NDUFC1: variants seen among roughly 807,000 people sequenced by gnomAD.
NDUFC1 encodes the protein NADH dehydrogenase [ubiquinone] 1 subunit C1, mitochondrial.
In NDUFC1, 11 loss-of-function variants were observed where a neutral mutation model predicts 11.6. The observed-to-expected ratio is 0.95, with a 90% CI of 0.60 to 1.58. The LOEUF (loss-of-function observed/expected upper bound fraction) is 1.58. Ranked by LOEUF, NDUFC1 falls within the 40% of genes most tolerant of loss-of-function variation. NDUFC1 has a pLI of 0.00. For synonymous variants in NDUFC1, 52 were observed against 42.2 expected (o/e 1.23, Z -0.90); for missense variants, 112 against 93.0 (o/e 1.20, Z -0.84).
Position 139,295,713 on chromosome 4 carries a change from G to T in NDUFC1, c.67+19C>A. 1 of 1,538,744 alleles carries T rather than the reference G, an allele frequency of 6.5e-7. No individual in the cohort carries two copies. Among genetic ancestry groups the T allele is most frequent in the South Asian group, 1.2e-5 (1 of 83,434 alleles). ...GGTAATCTGAGGGTCGAGTCGGCCTGCACGAGGAGGATACTCACGGCCGCT... is the reference window on the plus strand; with the variant it reads ...GGTAATCTGAGGGTCGAGTCGGCCTTCACGAGGAGGATACTCACGGCCGCT... On this transcript the variant is annotated intron_variant, in intron 3 of 5. Transcript: ENST00000394223.
At chr4:139,298,084 G>GA (rs35353049) in intron 1 of NDUFC1, among the ~76,000 whole-genome samples, 29,146 of 151,598 alleles carry the variant, frequency 0.19, 3,185 homozygotes, top group Non-Finnish European at 0.25. Flanking sequence ...CAAAACAAAA[G>GA]AAAAAAACCA....
intron 3 of NDUFC1, 91 bp from the exon 4 acceptor site, chr4:139,295,237 C>A: frequency 1.1e-6 from 1 of 903,822 alleles, no homozygotes; most frequent in South Asian, 1.4e-5. Flanking sequence ...GCATTTAATT[C>A]TCCCTTCAAC....
rs759892515 is a variant in NDUFC1 at position 139,292,598 on chromosome 4, T to C, written c.183A>G (p.Gln61=). The change falls in exon 5 of 6, where the codon CAA becomes CAG. Residue 61 remains glutamine (Q), a synonymous_variant. Coordinates refer to ENST00000394223, the MANE Select transcript of NDUFC1 (RefSeq NM_001184989.2). The part of the protein sequence containing the change: ...TVFLWIYLIK[Q]HNEDILEYKR... ...TGTACTCTAAAATATCTTCATTGTG[T>C]TGTTTGATGAGCTACAAAGAGTTAA... 1.8e-5 allele frequency: 28 copies of C among 1,564,418 alleles called. 1 individual carries two copies. The South Asian group carries it at 3.0e-4, about 17-fold the overall frequency.
chr4:139,300,213 G>A (rs1378363023), intron 1 of NDUFC1, among the ~76,000 whole-genome samples: 1 of 152,214 alleles, frequency 6.6e-6, no homozygotes, highest in South Asian at 2.1e-4. Context: ...AACTTTTGAA[G>A]AGAGATCACA....
Position 139,295,158 on chromosome 4 carries a change from A to G in NDUFC1, c.68-12T>C. 2 of 1,610,224 alleles carry G rather than the reference A, an allele frequency of 1.2e-6. No homozygotes were observed. The highest frequency in any genetic ancestry group is 1.3e-5 in the African/African-American group (1 of 74,960). ...TGATCGCACTGAAGCTGAAAGGGGAAGAGGGTCTGTAAATTTGTAACTTAC... is the reference window on the plus strand; with the variant it reads ...TGATCGCACTGAAGCTGAAAGGGGAGGAGGGTCTGTAAATTTGTAACTTAC... On this transcript the variant is annotated splice_polypyrimidine_tract_variant and intron_variant, in intron 3 of 5. Coordinates refer to ENST00000394223, the MANE Select transcript of NDUFC1 (RefSeq NM_001184989.2).
intron 3 of NDUFC1, 77 bp downstream of exon 3, chr4:139,295,655 C>T (rs1745431897): frequency 2.7e-6 from 4 of 1,466,748 alleles, no homozygotes; most frequent in African/African-American, 1.4e-5. Flanking sequence ...GCTGCCGCCT[C>T]CTGCACCCGT....
Position 139,290,929 on chromosome 4 carries a change from C to T in NDUFC1, c.*21-837G>A, listed in dbSNP as rs148957143. Among the ~76,000 whole-genome samples the T allele has an allele frequency of 5.2e-3, 789 of 151,962 alleles. 6 individuals carry two copies. The highest frequency in any genetic ancestry group is 0.014 in the African/African-American group (595 of 41,486). Reference sequence around the variant, plus strand: ...GTTAAAGCAATTATCGTGCCTCAGCCTCCCAAAGTAGCTGGGACTACGGGC... The same window carrying T: ...GTTAAAGCAATTATCGTGCCTCAGCTTCCCAAAGTAGCTGGGACTACGGGC... On this transcript the variant is annotated intron_variant, in intron 5 of 5. Transcript: ENST00000394223.
At chr4:139,300,898 A>G (rs1745687449) in intron 1 of NDUFC1, 1 of 152,192 alleles carries the variant, frequency 6.6e-6, no homozygotes, top group South Asian at 2.1e-4. Context: ...GGCAGTGCAA[A>G]TATGTCACTT....
intron 1 of NDUFC1, among the ~76,000 whole-genome samples, chr4:139,299,087 A>C (rs1157967548): frequency 6.6e-6 from 1 of 151,898 alleles, no homozygotes; most frequent in Non-Finnish European, 1.5e-5. Flanking sequence ...GTCTTGCCTC[A>C]GCCTCCTGGA....
chr4:139,298,433 T>C (rs1199099984), intron 1 of NDUFC1, among the ~76,000 whole-genome samples: 1 of 119,796 alleles, frequency 8.3e-6, no homozygotes, highest in Admixed American at 9.1e-5. Flanking sequence ...AGCGAAACTC[T>C]GTCTCAAAAA....
At chr4:139,299,613 T>C (rs1745619814) in intron 1 of NDUFC1, among the ~76,000 whole-genome samples, 1 of 152,124 alleles carries the variant, frequency 6.6e-6, no homozygotes, top group South Asian at 2.1e-4. Flanking sequence ...TCAGAGTAAA[T>C]ATATATTTTT....
At position 139,295,857 on chromosome 4, in the gene NDUFC1, C is replaced by CGGGACTCGAGG; in HGVS notation, c.-60_-59insCCTCGAGTCCC. 6.6e-7 allele frequency: 1 copy of CGGGACTCGAGG among 1,520,020 alleles called. No homozygotes were observed. Among genetic ancestry groups the CGGGACTCGAGG allele is most frequent in the Non-Finnish European group, 8.9e-7 (1 of 1,129,792 alleles). 94.2% of individuals were successfully genotyped at this position (1,520,020 alleles called of 1,614,324 possible). Reference sequence around the variant, plus strand: ...CAACAGAACCAGCGCCACCTGGCGGCCGGAAGTGCGGGACTCGAGGGCTCT... The same window carrying CGGGACTCGAGG: ...CAACAGAACCAGCGCCACCTGGCGGCGGGACTCGAGGCGGAAGTGCGGGACTCGAGGGCTCT... On this transcript the variant is annotated 5_prime_UTR_variant, in exon 3 of 6. Transcript: ENST00000394223.
intron 5 of NDUFC1, among the ~76,000 whole-genome samples, chr4:139,291,115 T>C (rs1045261598): frequency 4.7e-5 from 7 of 149,696 alleles, no homozygotes; most frequent in African/African-American, 1.7e-4. Context: ...CCCAGCCAGA[T>C]GTATATATTT....
At chr4:139,291,339 G>A (rs1231807985) in intron 5 of NDUFC1, among the ~76,000 whole-genome samples, 1 of 151,892 alleles carries the variant, frequency 6.6e-6, no homozygotes, top group Non-Finnish European at 1.5e-5. Context: ...CACTTTGGGA[G>A]GCCGAGGCGG....
intron 4 of NDUFC1, among the ~76,000 whole-genome samples, chr4:139,293,892 G>C (rs947121203): frequency 6.9e-6 from 1 of 143,936 alleles, no homozygotes; most frequent in Non-Finnish European, 1.5e-5. Flanking sequence ...TTGTTGAAAT[G>C]ATTAAACGCA....
chr4:139,295,219 G>T (rs78883311), intron 3 of NDUFC1, 73 bp from the exon 4 acceptor site: 3 of 1,142,730 alleles, frequency 2.6e-6, no homozygotes, highest in Non-Finnish European at 3.9e-6. Context: ...ATTTACGTGC[G>T]TATTATCGCA....
chr4:139,302,103 C>T lies in NDUFC1; in HGVS notation c.-222+313G>A, dbSNP rs187456975. 2,266 of 382,376 alleles carry T rather than the reference C, an allele frequency of 5.9e-3. 29 individuals are homozygous for T. The highest frequency in any genetic ancestry group is 5.3e-3 in the Non-Finnish European group (1,126 of 213,554). The allele number at this position is 382,376 out of a possible 1,614,324, so 23.7% of individuals were successfully genotyped here. A position where few individuals can be genotyped will look rare whatever the true frequency, so the allele number is the denominator to read the frequency against. On this transcript the variant is annotated intron_variant, in intron 1 of 5. Coordinates refer to ENST00000394223, the MANE Select transcript of NDUFC1 (RefSeq NM_001184989.2). ...CCTCCCGGCTTCTAGACTGCCGGTT[C>T]TCATTCTCCCCGATCTGGGGGAGAA...
At chr4:139,301,376 C>A (rs1745721800) in intron 1 of NDUFC1, 1 of 419,554 alleles carries the variant, frequency 2.4e-6, no homozygotes, top group Non-Finnish European at 4.2e-6. Context: ...TCCCGGCCTC[C>A]ACAGGCAGGC....
At position 139,292,610 on chromosome 4, in the gene NDUFC1, C is replaced by G. The variant is rs1308062096; in HGVS notation, c.172-1G>C. Reference sequence around the variant, plus strand: ...TATCTTCATTGTGTTGTTTGATGAGCTACAAAGAGTTAAACAGTTAAAATT... The same window carrying G: ...TATCTTCATTGTGTTGTTTGATGAGGTACAAAGAGTTAAACAGTTAAAATT... On this transcript the variant is annotated splice_acceptor_variant, in intron 4 of 5. Transcript: ENST00000394223. LOFTEE classifies it high-confidence loss of function. 1 of 1,542,424 alleles carries G rather than the reference C, an allele frequency of 6.5e-7. No individual in the cohort carries two copies. The highest frequency in any genetic ancestry group is 1.8e-5 in the Admixed American group (1 of 56,474).
Sources: gnomAD v4.1 joint callset for allele counts (sites outside exome capture counted in the v4.1 genomes callset) on GRCh38, gnomAD v4.1.1 for gene constraint, MANE v1.5 for transcripts, NCBI Gene and HGNC (gene_info 2026-07-23, HGNC 2026-07-21) for gene names.